The following FANCB variants were observed in gnomAD, a reference collection of about 807,000 sequenced individuals.
FANCB encodes the protein FA complementation group B.
In FANCB, 5 loss-of-function variants were observed where a neutral mutation model predicts 38.9. The ratio of observed to expected loss-of-function variants is 0.13; its 90% CI spans 0.07 to 0.27. FANCB has a LOEUF of 0.27. Ranked by LOEUF, FANCB falls within the 10% of genes least tolerant of loss-of-function variation. The probability of loss-of-function intolerance (pLI) is 1.00; values close to 1 mark genes in which losing one functional copy is unlikely to be tolerated. For synonymous variants in FANCB, 236 were observed against 215.4 expected, an observed-to-expected ratio of 1.10 and a Z score of -0.84; for missense variants, 573 against 602.7, an observed-to-expected ratio of 0.95 and a Z score of 0.52.
intron 6 of FANCB, among the ~76,000 whole-genome samples, chrX:14,852,796 G>A (rs891675273): frequency 1.8e-5 from 2 of 111,541 alleles, no homozygotes; most frequent in African/African-American, 6.5e-5. Context: ...GTTCCCCAAG[G>A]TTCCTGATAA....
At chrX:14,846,208 A>C (rs2092376596) in intron 7 of FANCB, among the ~76,000 whole-genome samples, 1 of 111,554 alleles carries the variant, frequency 9.0e-6, no homozygotes, top group African/African-American at 3.3e-5. Context: ...ATGTTAAGTA[A>C]AAACCTTGAA....
At chrX:14,870,119 T>C (rs1311026434) in intron 1 of FANCB, among the ~76,000 whole-genome samples, 1 of 112,054 alleles carries the variant, frequency 8.9e-6, no homozygotes, top group East Asian at 2.8e-4. Context: ...CCCAGCTTTA[T>C]TGAGGTGTAA....
At chrX:14,787,980 T>G in the FANCB span, among the ~76,000 whole-genome samples, 792 of 94,106 alleles carry the variant, frequency 8.4e-3, 9 homozygotes, top group African/African-American at 0.029. Flanking sequence ...TAAATAAAAC[T>G]TCAACCTTTT....
At chrX:14,839,483 G>A (rs145109079), downstream of FANCB, among the ~76,000 whole-genome samples, 863 of 111,209 alleles carry the variant, frequency 7.8e-3, 14 homozygotes, top group African/African-American at 0.027. Context: ...TACCCAATGA[G>A]GATGGCATAA....
At chrX:14,809,597 C>A in the FANCB span, among the ~76,000 whole-genome samples, 1 of 112,078 alleles carries the variant, frequency 8.9e-6, no homozygotes, top group African/African-American at 3.2e-5. Context: ...CAGTCTGAGA[C>A]CAAACTGCAA....
In FANCB at chrX:14,871,605, G is replaced by A. The variant is rs1044411704; in HGVS notation, c.-192+1381C>T. Among the ~76,000 whole-genome samples the A allele has an allele frequency of 6.6e-4, 60 of 90,453 alleles. 2 individuals carry two copies. The highest frequency in any genetic ancestry group is 3.5e-4 in the Non-Finnish European group (16 of 45,744). 78.5% of individuals were successfully genotyped at this position (90,453 alleles called of 115,157 possible). On this transcript the variant is annotated intron_variant, in intron 1 of 9. Transcript: ENST00000650831. ...AACAAGAGTTAAAAGGAATGAATTA[G>A]ATCTATCTATCTATATATGTGTGTG...
intron 2 of FANCB, among the ~76,000 whole-genome samples, chrX:14,865,945 T>C (rs1464819268): frequency 9.0e-6 from 1 of 111,618 alleles, no homozygotes; most frequent in Admixed American, 9.5e-5. Context: ...TAATGTGGTT[T>C]CCCACTCTCT....
At position 14,844,596 on chromosome X, in the gene FANCB, A is replaced by T; in HGVS notation, c.2072T>A (p.Val691Glu). 1.7e-6 allele frequency: 2 copies of T among 1,209,930 alleles called. No homozygotes were observed. The highest frequency in any genetic ancestry group is 2.2e-6 in the Non-Finnish European group (2 of 893,661). ...ACTTCCCGGTCTTTCACAAAAGTACACTTCTGGAAATTCTTTGATTATTTC... is the reference window on the plus strand; with the variant it reads ...ACTTCCCGGTCTTTCACAAAAGTACTCTTCTGGAAATTCTTTGATTATTTC... Reference protein sequence around the residue: ...KCEIIKEFPEVYFCERPGSFY... With the variant: ...KCEIIKEFPEEYFCERPGSFY... The change falls in exon 9 of 10, where the codon GTG becomes GAG. Residue 691 changes from valine (V) to glutamate (E), a missense_variant. Coordinates refer to ENST00000650831, the MANE Select transcript of FANCB (RefSeq NM_001018113.3).
In FANCB at chrX:14,865,178, G is replaced by T; in HGVS notation, c.333C>A (p.Ile111=). ...KNNVFEYFLL[I]LHSTNKFEMR... ...TTTCAAATTTATTAGTACTGTGAAG[G>T]ATTAGTAAAAAATATTCAAAAACAT... The change falls in exon 3 of 10, where the codon ATC becomes ATA. Residue 111 remains isoleucine, a synonymous_variant. Coordinates refer to ENST00000650831, the MANE Select transcript of FANCB (RefSeq NM_001018113.3). The T allele has an allele frequency of 8.6e-7, 1 of 1,167,548 alleles. No individual in the cohort carries two copies. The highest frequency in any genetic ancestry group is 2.7e-5 in the Admixed American group (1 of 37,106).
chrX:14,694,745 C>T, the FANCB span, among the ~76,000 whole-genome samples: 1 of 112,474 alleles, frequency 8.9e-6, no homozygotes, highest in South Asian at 3.6e-4. Context: ...GAATACGTTG[C>T]TTCACAGGAC....
intron 4 of FANCB, among the ~76,000 whole-genome samples, chrX:14,858,320 AG>A (rs1282095631): frequency 9.1e-6 from 1 of 109,377 alleles, no homozygotes; most frequent in Non-Finnish European, 1.9e-5. Flanking sequence ...GTTTGAACCC[AG>A]GGGGCGGAGG....
the FANCB span, among the ~76,000 whole-genome samples, chrX:14,816,260 G>C: frequency 8.9e-6 from 1 of 111,809 alleles, no homozygotes; most frequent in Non-Finnish European, 1.9e-5. Flanking sequence ...TATTAGTAAT[G>C]TCTACTACAG....
At chrX:14,730,429 A>T in the FANCB span, 6 of 1,203,436 alleles carry the variant, frequency 5.0e-6, no homozygotes, top group Admixed American at 1.3e-4. Flanking sequence ...CATTTTCAAC[A>T]TCTTTTACTG....
the FANCB span, among the ~76,000 whole-genome samples, chrX:14,768,197 A>G: frequency 4.5e-5 from 5 of 111,846 alleles, no homozygotes; most frequent in African/African-American, 6.5e-5. Context: ...TTCTGTGAAG[A>G]ATGTCAGTGG....
chrX:14,767,463 A>G, the FANCB span, among the ~76,000 whole-genome samples: 1 of 111,188 alleles, frequency 9.0e-6, no homozygotes. Flanking sequence ...TTTTATTAAT[A>G]TGTTTGTTGG....
downstream of FANCB, among the ~76,000 whole-genome samples, chrX:14,833,955 A>C (rs958117002): frequency 2.7e-5 from 3 of 110,428 alleles, no homozygotes; most frequent in African/African-American, 9.9e-5. Context: ...AGATTGTGCC[A>C]GTGCACTCCA....
the FANCB span, among the ~76,000 whole-genome samples, chrX:14,703,738 C>T: frequency 2.9e-4 from 32 of 111,799 alleles, no homozygotes; most frequent in Non-Finnish European, 4.0e-4. Flanking sequence ...GGCCCTCAAC[C>T]AATGAGAACT....
chrX:14,869,397 G>A (rs963487434), intron 1 of FANCB, among the ~76,000 whole-genome samples: 2 of 111,821 alleles, frequency 1.8e-5, no homozygotes, highest in Non-Finnish European at 3.8e-5. Context: ...ATTTATGAAA[G>A]TTAGGCTCCT....
the FANCB span, among the ~76,000 whole-genome samples, chrX:14,701,544 G>A: frequency 2.7e-5 from 3 of 110,827 alleles, no homozygotes; most frequent in African/African-American, 3.3e-5. Context: ...ATGGATGAAT[G>A]GATAAAAATA....
Sources: gnomAD v4.1 joint callset for allele counts (sites outside exome capture counted in the v4.1 genomes callset) on GRCh38, gnomAD v4.1.1 for gene constraint, MANE v1.5 for transcripts, NCBI Gene and HGNC (gene_info 2026-07-23, HGNC 2026-07-21) for gene names.